HDAC4: variants seen among roughly 807,000 people sequenced by gnomAD.
HDAC4 encodes histone deacetylase A.
In HDAC4, 16 loss-of-function variants were observed where a neutral mutation model predicts 135.1. That is an observed-to-expected ratio of 0.12 (90% confidence interval 0.08 to 0.18). The LOEUF (loss-of-function observed/expected upper bound fraction) is 0.18, where lower values mean the gene tolerates loss of function less well. Among genes scored for constraint, HDAC4 ranks in the 10% least tolerant of loss-of-function variants. The pLI, the probability that HDAC4 is intolerant of heterozygous loss-of-function variation, is 1.00. For missense variants in HDAC4, 1,143 were observed against 1,511.8 expected, an observed-to-expected ratio of 0.76 and a Z score of 4.05; for synonymous variants, 685 against 653.4, an observed-to-expected ratio of 1.05 and a Z score of -0.74.
In HDAC4 at chr2:239,352,672, C is replaced by G. The variant is rs746793500; in HGVS notation, c.22+6G>C. The G allele has an allele frequency of 5.1e-6, 8 of 1,555,116 alleles. No individual in the cohort carries two copies. The East Asian group carries it at 1.9e-4, about 38-fold the overall frequency. On this transcript the variant is annotated splice_donor_region_variant and intron_variant, in intron 2 of 26. Transcript: ENST00000543185. This position sits in a 1 kb window ranked among gnomAD's most constrained non-coding sequence, Gnocchi z 4.4. ...TGTGCCCAGAGAAGAAATGACCCGG[C>G]CTTACCTGGATGGCTTTGGGAGCTC...
chr2:239,117,820 G>T (rs2039282428), intron 12 of HDAC4, among the ~76,000 whole-genome samples: 1 of 152,220 alleles, frequency 6.6e-6, no homozygotes. Flanking sequence ...TCCTGGCAGA[G>T]AGAGGAGCTA....
intron 5 of HDAC4, among the ~76,000 whole-genome samples, chr2:239,164,357 G>A (rs1042978791): frequency 7.2e-5 from 11 of 152,334 alleles, no homozygotes; most frequent in South Asian, 2.1e-4. Flanking sequence ...ACAGGCAGGC[G>A]TGCTTCCTTC....
intron 3 of HDAC4, among the ~76,000 whole-genome samples, chr2:239,202,197 G>T (rs193120346): frequency 1.3e-5 from 2 of 152,174 alleles, no homozygotes; most frequent in Non-Finnish European, 2.9e-5. Flanking sequence ...GTAAGATGGG[G>T]ACTACCTATA....
At chr2:239,060,169 T>G (rs924509862) in intron 24 of HDAC4, among the ~76,000 whole-genome samples, 2 of 152,220 alleles carry the variant, frequency 1.3e-5, no homozygotes, top group African/African-American at 4.8e-5. Context: ...AGCGCACTGA[T>G]GGGACTCCAT....
intron 18 of HDAC4, among the ~76,000 whole-genome samples, chr2:239,089,459 C>G (rs756209315): frequency 6.6e-6 from 1 of 152,200 alleles, no homozygotes; most frequent in Non-Finnish European, 1.5e-5. Flanking sequence ...TCCCAAGTAG[C>G]TGGGATTATA....
At chr2:239,182,090 G>A (rs927901782) in intron 4 of HDAC4, among the ~76,000 whole-genome samples, 2 of 152,140 alleles carry the variant, frequency 1.3e-5, no homozygotes, top group African/African-American at 4.8e-5. Flanking sequence ...CTGGGGACCC[G>A]GAGCTGTGTA....
intron 22 of HDAC4, 127 bp downstream of exon 22, chr2:239,080,968 G>A (rs947446857): frequency 3.0e-5 from 21 of 688,702 alleles, no homozygotes; most frequent in African/African-American, 3.0e-4. Context: ...CAGCTCCTCC[G>A]GACCCCACAG....
chr2:239,356,164 T>A (rs1021190376), intron 1 of HDAC4, among the ~76,000 whole-genome samples: 2 of 152,144 alleles, frequency 1.3e-5, no homozygotes, highest in African/African-American at 2.4e-5. Context: ...GTTTTAAAAA[T>A]ATATATATAA....
intron 24 of HDAC4, among the ~76,000 whole-genome samples, chr2:239,058,512 G>T (rs2032208502): frequency 6.6e-6 from 1 of 152,230 alleles, no homozygotes; most frequent in South Asian, 2.1e-4. Context: ...AACTTCAGGG[G>T]AAGGCTAAAA....
intron 2 of HDAC4, among the ~76,000 whole-genome samples, chr2:239,272,302 GA>G (rs1025698550): frequency 6.6e-6 from 1 of 151,978 alleles, no homozygotes; most frequent in African/African-American, 2.4e-5. Flanking sequence ...GGCAGCAAAA[GA>G]AAAAAATAGC....
chr2:239,364,404 T>C (rs1694045571), intron 1 of HDAC4, among the ~76,000 whole-genome samples: 1 of 152,212 alleles, frequency 6.6e-6, no homozygotes. Flanking sequence ...AGAAACATCA[T>C]GCTGAGAAAA....
chr2:239,076,533 C>T lies in HDAC4; in HGVS notation c.2750+4562G>A, dbSNP rs3791365. Among the ~76,000 whole-genome samples the T allele has an allele frequency of 4.2e-4, 64 of 152,330 alleles. No homozygotes were observed. The East Asian group carries it at 0.011, about 25-fold the overall frequency. On this transcript the variant is annotated intron_variant, in intron 22 of 26. Coordinates refer to ENST00000543185, the MANE Select transcript of HDAC4 (RefSeq NM_001378414.1). ...CCTAAACAAAACTCACCACACCTTCCGTCAACACAAGCCTCAGAGCAAACC... is the reference window on the plus strand; with the variant it reads ...CCTAAACAAAACTCACCACACCTTCTGTCAACACAAGCCTCAGAGCAAACC...
intron 3 of HDAC4, among the ~76,000 whole-genome samples, chr2:239,223,115 G>A (rs185116112): frequency 2.6e-5 from 4 of 152,328 alleles, no homozygotes; most frequent in Admixed American, 6.5e-5. Context: ...TCTCAGTTAC[G>A]TAAGATCAAG....
chr2:239,114,612 C>G (rs1348459469), intron 13 of HDAC4, among the ~76,000 whole-genome samples: 1 of 152,236 alleles, frequency 6.6e-6, no homozygotes, highest in African/African-American at 2.4e-5. Context: ...CTGTCTGGAT[C>G]TGCAGGGCTG....
At chr2:239,399,240 A>C (rs1024108267) in intron 1 of HDAC4, among the ~76,000 whole-genome samples, 3 of 152,258 alleles carry the variant, frequency 2.0e-5, no homozygotes, top group Admixed American at 1.3e-4. Flanking sequence ...CATTCTGATG[A>C]AACTTCTAAC....
chr2:239,189,133 A>T (rs1165366610), intron 4 of HDAC4, among the ~76,000 whole-genome samples: 1 of 152,256 alleles, frequency 6.6e-6, no homozygotes, highest in African/African-American at 2.4e-5. Flanking sequence ...TAGAATATTT[A>T]AAATTACTGG....
At chr2:239,150,194 GA>G (rs2042021650) in intron 7 of HDAC4, among the ~76,000 whole-genome samples, 1 of 152,032 alleles carries the variant, frequency 6.6e-6, no homozygotes, top group African/African-American at 2.4e-5. Context: ...GATACATACA[GA>G]AACACAGGTA....
chr2:239,324,005 C>T (rs1172582619), intron 2 of HDAC4, among the ~76,000 whole-genome samples: 1 of 152,188 alleles, frequency 6.6e-6, no homozygotes, highest in Non-Finnish European at 1.5e-5. Context: ...CTGAACGGGA[C>T]CACATGCGCT....
chr2:239,276,575 G>A (rs1291447661), intron 2 of HDAC4, among the ~76,000 whole-genome samples: 15 of 152,228 alleles, frequency 9.9e-5, no homozygotes, highest in Admixed American at 5.9e-4. Flanking sequence ...ATGAGACACC[G>A]ATACACCGCA....
Sources: gnomAD v4.1 joint callset for allele counts (sites outside exome capture counted in the v4.1 genomes callset) on GRCh38, gnomAD v4.1.1 for gene constraint, Gnocchi (gnomAD v3.1) non-coding constraint, MANE v1.5 for transcripts, NCBI Gene and HGNC (gene_info 2026-07-23, HGNC 2026-07-21) for gene names.